The following GGPS1 variants were observed in gnomAD, a reference collection of about 807,000 sequenced individuals.
The protein encoded by GGPS1 is geranylgeranyl pyrophosphate synthase.
In GGPS1, 15 loss-of-function variants were observed where a neutral mutation model predicts 28.1. The ratio of observed to expected loss-of-function variants is 0.53; its 90% CI spans 0.36 to 0.82. GGPS1 has a LOEUF of 0.82. Ranked by LOEUF, GGPS1 falls within the 40% of genes least tolerant of loss-of-function variation. The pLI is 0.01. For missense variants in GGPS1, 284 were observed against 348.3 expected (o/e 0.82, Z 1.47); for synonymous variants, 138 against 122.4 (o/e 1.13, Z -0.84).
chr1:235,342,463 T>C lies in GGPS1; in HGVS notation c.594T>C (p.Tyr198=), dbSNP rs1427865745. 3.7e-6 allele frequency: 6 copies of C among 1,612,770 alleles called. No individual in the cohort carries two copies. The highest frequency in any genetic ancestry group is 4.2e-6 in the Non-Finnish European group (5 of 1,178,922). The change falls in exon 4 of 4, where the codon TAT becomes TAC. Residue 198 remains tyrosine, a synonymous_variant. Coordinates refer to ENST00000282841, the MANE Select transcript of GGPS1 (RefSeq NM_004837.4). ...DDYANLHSKE[Y]SENKSFCEDL... ...ATGCTAATCTACACTCCAAAGAATA[T>C]AGTGAAAACAAAAGTTTTTGTGAAG...
chr1:235,341,620 A>C (rs1035331634), intron 2 of GGPS1, 88 bp from the exon 3 acceptor site: 1 of 808,718 alleles, frequency 1.2e-6, no homozygotes, highest in African/African-American at 1.7e-5. Context: ...GATCAATCTA[A>C]AGGAAGTTTC....
In GGPS1 at chr1:235,342,117, A is replaced by T; in HGVS notation, c.248A>T (p.Tyr83Phe). ...RRGFPVAHSI[Y>F]GIPSVINSAN... is the part of the protein sequence containing the mutation. The stretch of plus-strand genomic sequence containing the variant: ...GGCTTTCCAGTGGCCCACAGCATCT[A>T]TGGAATCCCATCTGTCATCAATTCT... Residue 83 changes from tyrosine (Y) to phenylalanine (F), a missense_variant, in exon 4 of 4, where the codon TAT (tyrosine) becomes TTT (phenylalanine). Coordinates refer to ENST00000282841, the MANE Select transcript of GGPS1 (RefSeq NM_004837.4). The T allele has an allele frequency of 1.2e-6, 2 of 1,614,042 alleles. No homozygotes were observed. Among genetic ancestry groups the T allele is most frequent in the Non-Finnish European group, 1.7e-6 (2 of 1,179,886 alleles).
At chr1:235,335,120 ATCT>A (rs1675826419) in intron 1 of GGPS1, 119 bp from the exon 2 acceptor site, 2 of 551,334 alleles carry the variant, frequency 3.6e-6, no homozygotes, top group African/African-American at 1.9e-5. Context: ...CAGCAACAGA[ATCT>A]TCTTTTTAAA....
chr1:235,340,168 C>G (rs1378460210), intron 2 of GGPS1, among the ~76,000 whole-genome samples: 2 of 151,978 alleles, frequency 1.3e-5, no homozygotes, highest in African/African-American at 4.8e-5. Flanking sequence ...CTTGAGCTTT[C>G]CGTGTAAGAA....
chr1:235,338,769 G>T (rs1409407222), intron 2 of GGPS1, among the ~76,000 whole-genome samples: 1 of 152,026 alleles, frequency 6.6e-6, no homozygotes, highest in African/African-American at 2.4e-5. Flanking sequence ...TGTAGTCCCA[G>T]CTACTCAGGG....
chr1:235,338,495 T>G (rs1675932569), intron 2 of GGPS1, among the ~76,000 whole-genome samples: 1 of 152,220 alleles, frequency 6.6e-6, no homozygotes, highest in Non-Finnish European at 1.5e-5. Context: ...TATATTGTAC[T>G]GTTTTCTATA....
At chr1:235,341,868 A>G in intron 3 of GGPS1, 90 bp downstream of exon 3, 2 of 918,036 alleles carry the variant, frequency 2.2e-6, no homozygotes, top group Non-Finnish European at 3.5e-6. Context: ...TTTAGTCCTC[A>G]TGCAAGATAT....
chr1:235,342,483 G>C lies in GGPS1; in HGVS notation c.614G>C (p.Cys205Ser). ...SKEYSENKSF[C>S]EDLTEGKFSF... is the part of the protein sequence containing the mutation. ...GAATATAGTGAAAACAAAAGTTTTTGTGAAGATCTGACAGAGGGAAAGTTC... is the reference window on the plus strand; with the variant it reads ...GAATATAGTGAAAACAAAAGTTTTTCTGAAGATCTGACAGAGGGAAAGTTC... The change falls in exon 4 of 4, where the codon TGT becomes TCT. Residue 205 changes from cysteine (C) to serine (S), a missense_variant. Transcript: ENST00000282841. 1 of 1,613,554 alleles carries C rather than the reference G, an allele frequency of 6.2e-7. No individual in the cohort carries two copies. The highest frequency in any genetic ancestry group is 1.1e-5 in the South Asian group (1 of 91,048).
At chr1:235,332,326 T>C (rs1254454801) in intron 1 of GGPS1, among the ~76,000 whole-genome samples, 1 of 152,238 alleles carries the variant, frequency 6.6e-6, no homozygotes, top group East Asian at 1.9e-4. Flanking sequence ...GATGTACTAT[T>C]TGTCTTTTAT....
intron 2 of GGPS1, among the ~76,000 whole-genome samples, chr1:235,338,897 G>T (rs1186938513): frequency 6.6e-6 from 1 of 151,580 alleles, no homozygotes; most frequent in African/African-American, 2.4e-5. Flanking sequence ...GGCGTGGTGG[G>T]TCACACCTGT....
chr1:235,330,998 T>C (rs1307755371), intron 1 of GGPS1, among the ~76,000 whole-genome samples: 1 of 152,202 alleles, frequency 6.6e-6, no homozygotes, highest in Non-Finnish European at 1.5e-5. Flanking sequence ...TTGCATCTTC[T>C]TTTCTTACTT....
At chr1:235,335,373 T>TG in intron 2 of GGPS1, 39 bp downstream of exon 2, 1 of 910,832 alleles carries the variant, frequency 1.1e-6, no homozygotes, top group Non-Finnish European at 1.8e-6. Context: ...GTCATTTTCA[T>TG]GCAGTAGTGG....
At position 235,342,650 on chromosome 1, in the gene GGPS1, C is replaced by A. The variant is rs772582396; in HGVS notation, c.781C>A (p.Arg261Ser). Residue 261 changes from arginine to serine, a missense_variant, in exon 4 of 4, where the codon CGT becomes AGT. Physicochemically the swap from Arg to Ser is moderately radical, Grantham distance 110. Coordinates refer to ENST00000282841, the MANE Select transcript of GGPS1 (RefSeq NM_004837.4). ...GGATGTAGGTTCTTTTGAATACACTCGTAATACCCTTAAAGAGCTTGAAGC... is the reference window on the plus strand; with the variant it reads ...GGATGTAGGTTCTTTTGAATACACTAGTAATACCCTTAAAGAGCTTGAAGC... The part of the protein sequence containing the change: ...LEDVGSFEYT[R>S]NTLKELEAKA... 1 of 1,610,660 alleles carries A rather than the reference C, an allele frequency of 6.2e-7. No homozygotes were observed. The highest frequency in any genetic ancestry group is 1.3e-5 in the African/African-American group (1 of 74,962).
rs530827628 is a variant in GGPS1 at position 235,342,230 on chromosome 1, G to A, written c.361G>A (p.Glu121Lys). The A allele has an allele frequency of 6.2e-7, 1 of 1,613,924 alleles. No individual in the cohort carries two copies. Among genetic ancestry groups the A allele is most frequent in the South Asian group, 1.1e-5 (1 of 91,052 alleles). Residue 121 changes from glutamate (E) to lysine (K), a missense_variant, in exon 4 of 4, where the codon GAA (glutamate) becomes AAA (lysine). By Grantham distance (56) the Glu-to-Lys change is moderately conservative. Transcript: ENST00000282841. ...AVKLFTRQLL[E>K]LHQGQGLDIY... is the part of the protein sequence containing the mutation. ...GAAGCTTTTTACCCGCCAGCTTTTG[G>A]AACTCCATCAGGGACAAGGCCTAGA...
intron 1 of GGPS1, among the ~76,000 whole-genome samples, chr1:235,332,273 G>T (rs1396369466): frequency 6.6e-6 from 1 of 152,074 alleles, no homozygotes; most frequent in Non-Finnish European, 1.5e-5. Context: ...CACACTCCAT[G>T]TCCATGTATA....
upstream of GGPS1, chr1:235,327,427 C>T (rs1314850092): frequency 1.3e-5 from 2 of 152,224 alleles, no homozygotes; most frequent in African/African-American, 2.4e-5. Context: ...GAGCCCCTGC[C>T]CACGTCCCGT....
intron 2 of GGPS1, among the ~76,000 whole-genome samples, chr1:235,337,479 A>G (rs558959410): frequency 6.6e-6 from 1 of 152,350 alleles, no homozygotes; most frequent in South Asian, 2.1e-4. Flanking sequence ...TACTAAAGAA[A>G]TATGACATTG....
upstream of GGPS1, chr1:235,327,275 G>A (rs1254701193): frequency 5.3e-6 from 1 of 187,442 alleles, no homozygotes; most frequent in Non-Finnish European, 1.1e-5. Flanking sequence ...TCCGGCGCAG[G>A]GCCGGCCGCT....
At position 235,342,289 on chromosome 1, in the gene GGPS1, T is replaced by C. The variant is rs773173269; in HGVS notation, c.420T>C (p.Thr140=). ...GGAGGGATAATTACACTTGTCCCAC[T>C]GAAGAAGAATATAAAGCTATGGTGC... ...IYWRDNYTCP[T]EEEYKAMVLQ... The change falls in exon 4 of 4, where the codon ACT becomes ACC. Residue 140 remains threonine, a synonymous_variant. Transcript: ENST00000282841. 3.7e-6 allele frequency: 6 copies of C among 1,614,152 alleles called. No individual in the cohort carries two copies. The highest frequency in any genetic ancestry group is 5.1e-6 in the Non-Finnish European group (6 of 1,179,972).
Sources: allele counts gnomAD v4.1 joint callset (sites outside exome capture counted in the v4.1 genomes callset), GRCh38; gene constraint gnomAD v4.1.1; transcripts MANE v1.5; gene names NCBI Gene and HGNC (gene_info 2026-07-23, HGNC 2026-07-21).